Variants in CNTN5 observed in about 807,000 individuals in gnomAD.
CNTN5 encodes the protein contactin-5.
Under a neutral mutation model 129.1 loss-of-function variants are expected in CNTN5, and 77 were observed. That is an observed-to-expected ratio of 0.60 (90% CI 0.50 to 0.72). The LOEUF (loss-of-function observed/expected upper bound fraction) is 0.72. CNTN5 is among the 30% of genes least tolerant of loss of function. The pLI is 0.00. For missense variants in CNTN5, 1,478 were observed against 1,328.8 expected, an observed-to-expected ratio of 1.11 and a Z score of -1.75; for synonymous variants, 509 against 465.6, an observed-to-expected ratio of 1.09 and a Z score of -1.20.
At chr11:99,908,110 CA>C (rs1949558471) in intron 6 of CNTN5, among the ~76,000 whole-genome samples, 1 of 151,886 alleles carries the variant, frequency 6.6e-6, no homozygotes, top group South Asian at 2.1e-4. Context: ...TCTGGCTATA[CA>C]AGTGTTTTTG....
intron 2 of CNTN5, among the ~76,000 whole-genome samples, chr11:99,481,440 C>T (rs1945597857): frequency 6.6e-6 from 1 of 152,176 alleles, no homozygotes; most frequent in South Asian, 2.1e-4. Context: ...GTCCTTTTCC[C>T]TTATTCACTG....
chr11:100,151,466 C>T (rs1208539351), intron 13 of CNTN5, among the ~76,000 whole-genome samples: 2 of 151,984 alleles, frequency 1.3e-5, no homozygotes, highest in Admixed American at 6.6e-5. Flanking sequence ...TTAGTTATGG[C>T]AGTGAAGGTT....
At chr11:100,036,078 T>C (rs1172185237) in intron 9 of CNTN5, among the ~76,000 whole-genome samples, 1 of 152,220 alleles carries the variant, frequency 6.6e-6, no homozygotes, top group Non-Finnish European at 1.5e-5. Context: ...CTAGGTTTTC[T>C]TCTAGGGTTT....
At chr11:99,857,844 C>G (rs988891570) in intron 6 of CNTN5, among the ~76,000 whole-genome samples, 1 of 152,044 alleles carries the variant, frequency 6.6e-6, no homozygotes, top group Non-Finnish European at 1.5e-5. Context: ...TTATTGATCT[C>G]CGTGGCAATA....
At chr11:99,156,980 A>G (rs968558741) in intron 1 of CNTN5, among the ~76,000 whole-genome samples, 1 of 152,078 alleles carries the variant, frequency 6.6e-6, no homozygotes, top group Non-Finnish European at 1.5e-5. Context: ...GGTAATGGTG[A>G]AAAGTTATTC....
chr11:99,983,037 A>G (rs1938450674), intron 8 of CNTN5, among the ~76,000 whole-genome samples: 1 of 152,216 alleles, frequency 6.6e-6, no homozygotes. Context: ...ATGATCAGTC[A>G]CATCAGGTGC....
intron 8 of CNTN5, among the ~76,000 whole-genome samples, chr11:99,983,164 A>G (rs1265861871): frequency 6.6e-6 from 1 of 152,230 alleles, no homozygotes; most frequent in African/African-American, 2.4e-5. Flanking sequence ...TGAACTTTGT[A>G]CTGTGAAAAC....
At chr11:99,308,134 T>C (rs1212524559) in intron 1 of CNTN5, among the ~76,000 whole-genome samples, 1 of 152,214 alleles carries the variant, frequency 6.6e-6, no homozygotes, top group Non-Finnish European at 1.5e-5. Context: ...TCCAATCCAG[T>C]CTCTGCAGCT....
chr11:99,419,549 T>TAAAAACAGAGCCTGA (rs1355922646), intron 2 of CNTN5, among the ~76,000 whole-genome samples: 1 of 152,154 alleles, frequency 6.6e-6, no homozygotes, highest in Non-Finnish European at 1.5e-5. Context: ...CTGGAAGTGT[T>TAAAAACAGAGCCTGA]AAAAACAGAG....
chr11:99,858,242 T>C (rs1948100119), intron 6 of CNTN5, among the ~76,000 whole-genome samples: 1 of 152,122 alleles, frequency 6.6e-6, no homozygotes, highest in Non-Finnish European at 1.5e-5. Flanking sequence ...CAAAAATGTG[T>C]CTATAAACTG....
intron 2 of CNTN5, among the ~76,000 whole-genome samples, chr11:99,461,164 A>G (rs1167200314): frequency 6.6e-6 from 1 of 152,108 alleles, no homozygotes; most frequent in Non-Finnish European, 1.5e-5. Flanking sequence ...TAAAATGTAG[A>G]TGATATATAG....
intron 13 of CNTN5, among the ~76,000 whole-genome samples, chr11:100,160,225 T>C (rs1260626418): frequency 6.6e-6 from 1 of 151,966 alleles, no homozygotes; most frequent in East Asian, 1.9e-4. Context: ...TCCAGCATCA[T>C]CCATGTCCCT....
intron 4 of CNTN5, among the ~76,000 whole-genome samples, chr11:99,843,585 T>C (rs1031216724): frequency 6.6e-6 from 1 of 152,210 alleles, no homozygotes; most frequent in South Asian, 2.1e-4. Context: ...AAATAATTTC[T>C]CTTTATCTGT....
At position 100,233,849 on chromosome 11, in the gene CNTN5, C is replaced by T. The variant is rs925963400; in HGVS notation, c.2005+9037C>T. 4.6e-5 allele frequency among the ~76,000 whole-genome samples: 7 copies of T among 152,244 alleles called. No individual in the cohort carries two copies. The East Asian group carries it at 1.4e-3, about 29-fold the overall frequency. On this transcript the variant is annotated intron_variant, in intron 16 of 24. Transcript: ENST00000524871. Reference sequence around the variant, plus strand: ...GCTTCTGCAAAGCAAAAGAAACTATCATCAGAGTGAACAGACAACCTACAG... The same window carrying T: ...GCTTCTGCAAAGCAAAAGAAACTATTATCAGAGTGAACAGACAACCTACAG...
At chr11:100,291,077 A>C (rs1268565061) in intron 18 of CNTN5, among the ~76,000 whole-genome samples, 3 of 148,652 alleles carry the variant, frequency 2.0e-5, no homozygotes, top group Non-Finnish European at 3.0e-5. Flanking sequence ...CACACCAGTT[A>C]GAATGGCAAT....
At chr11:99,251,073 C>T (rs1862075077) in intron 1 of CNTN5, among the ~76,000 whole-genome samples, 1 of 151,860 alleles carries the variant, frequency 6.6e-6, no homozygotes, top group South Asian at 2.1e-4. Context: ...CCACAATATC[C>T]ATGAATCAGA....
At chr11:99,358,250 T>A (rs1938836294) in intron 2 of CNTN5, among the ~76,000 whole-genome samples, 1 of 66,246 alleles carries the variant, frequency 1.5e-5, no homozygotes, top group Non-Finnish European at 2.8e-5. Context: ...CACCACGCCC[T>A]GCTGATTTTT....
At chr11:99,079,681 G>A (rs758964992) in intron 1 of CNTN5, among the ~76,000 whole-genome samples, 18 of 151,990 alleles carry the variant, frequency 1.2e-4, no homozygotes, top group Non-Finnish European at 2.2e-4. Context: ...GTTTATCCTC[G>A]AGCCAAAACA....
chr11:100,356,020 ATCTTGCAC>A, intron 24 of CNTN5, 89 bp from the exon 25 acceptor site: 1 of 755,288 alleles, frequency 1.3e-6, no homozygotes, highest in Non-Finnish European at 2.3e-6. Context: ...AACAGGAGCG[ATCTTGCAC>A]TCATTAGTCT....
Sources: gnomAD v4.1 joint callset for allele counts (sites outside exome capture counted in the v4.1 genomes callset) on GRCh38, gnomAD v4.1.1 for gene constraint, MANE v1.5 for transcripts, NCBI Gene and HGNC (gene_info 2026-07-23, HGNC 2026-07-21) for gene names.